ZNF407: variants seen among roughly 807,000 people sequenced by gnomAD.
The protein encoded by ZNF407 is zinc finger protein 407.
ZNF407 carries 17 observed loss-of-function variants against 131.2 expected under a neutral mutation model. That is an observed-to-expected ratio of 0.13 (90% CI 0.09 to 0.19). The LOEUF (loss-of-function observed/expected upper bound fraction) is 0.19, where lower values mean the gene tolerates loss of function less well. Among genes scored for constraint, ZNF407 ranks in the 10% least tolerant of loss-of-function variants. The probability of loss-of-function intolerance (pLI) is 1.00; values close to 1 mark genes in which losing one functional copy is unlikely to be tolerated. For synonymous variants in ZNF407, 1,156 were observed against 1,062.0 expected (o/e 1.09, Z -1.72); for missense variants, 2,681 against 2,830.6 (o/e 0.95, Z 1.20).
At chr18:74,852,059 C>T (rs562393240) in intron 4 of ZNF407, among the ~76,000 whole-genome samples, 1 of 152,068 alleles carries the variant, frequency 6.6e-6, no homozygotes, top group Non-Finnish European at 1.5e-5. Context: ...CACATTGTCA[C>T]GGGAGCATGG....
chr18:74,644,213 T>C lies in ZNF407; in HGVS notation c.4802+3091T>C, dbSNP rs576802948. Among the ~76,000 whole-genome samples, 21 of 150,836 alleles carry C rather than the reference T, an allele frequency of 1.4e-4. No individual in the cohort carries two copies. The East Asian group carries it at 1.9e-3, about 14-fold the overall frequency. On this transcript the variant is annotated intron_variant, in intron 3 of 8. Coordinates refer to ENST00000299687, the MANE Select transcript of ZNF407 (RefSeq NM_017757.3). ...TTTTTTTTTGAAAAGTTGAGTTTCT[T>C]ACTTGTTAAAAATATCCAAATGTGA...
chr18:74,686,883 T>A (rs904628398), intron 3 of ZNF407, among the ~76,000 whole-genome samples: 3 of 152,246 alleles, frequency 2.0e-5, no homozygotes, highest in African/African-American at 7.2e-5. Context: ...CTGTATTATG[T>A]GTGGTACATA....
intron 8 of ZNF407, among the ~76,000 whole-genome samples, chr18:74,960,796 TGA>T (rs1972333094): frequency 7.1e-6 from 1 of 139,996 alleles, no homozygotes. Flanking sequence ...AGGTCCTGAG[TGA>T]GTGCTTGGTG....
At chr18:74,739,925 T>C (rs987935739) in intron 3 of ZNF407, among the ~76,000 whole-genome samples, 1 of 152,188 alleles carries the variant, frequency 6.6e-6, no homozygotes, top group African/African-American at 2.4e-5. Flanking sequence ...GTCTTTTTTA[T>C]GATACCTTTA....
intron 8 of ZNF407, among the ~76,000 whole-genome samples, chr18:75,039,454 CTG>C (rs1973346935): frequency 6.6e-6 from 1 of 152,172 alleles, no homozygotes; most frequent in African/African-American, 2.4e-5. Flanking sequence ...GATAAAGAGA[CTG>C]AGGCTGCTGT....
intron 8 of ZNF407, among the ~76,000 whole-genome samples, chr18:74,964,302 C>T (rs924758215): frequency 9.2e-5 from 14 of 152,160 alleles, no homozygotes; most frequent in African/African-American, 2.7e-4. Flanking sequence ...GCACACTGTA[C>T]CCATATGCAC....
intron 3 of ZNF407, among the ~76,000 whole-genome samples, chr18:74,666,237 G>A (rs1427109937): frequency 6.6e-6 from 1 of 152,204 alleles, no homozygotes. Flanking sequence ...TTAGGTAGGA[G>A]CAGGACATTT....
chr18:74,695,808 G>A (rs569667817), intron 3 of ZNF407, among the ~76,000 whole-genome samples: 2 of 152,292 alleles, frequency 1.3e-5, no homozygotes, highest in South Asian at 2.1e-4. Flanking sequence ...TACCTAGTTT[G>A]TGAAACAGAG....
chr18:74,825,681 G>A (rs1970400870), intron 4 of ZNF407, among the ~76,000 whole-genome samples: 1 of 152,106 alleles, frequency 6.6e-6, no homozygotes, highest in Non-Finnish European at 1.5e-5. Flanking sequence ...TAGTTGTGTG[G>A]TCTTGGTTTT....
chr18:74,828,728 G>A (rs7506399), intron 4 of ZNF407, among the ~76,000 whole-genome samples: 11,922 of 152,076 alleles, frequency 0.078, 610 homozygotes, highest in South Asian at 0.17. Context: ...CAGTTTTCAT[G>A]TGTCTCGTTG....
rs770864901 is a variant in ZNF407 at position 74,633,085 on chromosome 18, C to T, written c.2066C>T (p.Ser689Phe). Reference protein sequence around the residue: ...GKASQEEPLKSRVSHGNEVRH... With the variant: ...GKASQEEPLKFRVSHGNEVRH... ...GCATCTCAGGAAGAACCTCTGAAGT[C>T]CAGGGTAAGCCATGGTAATGAAGTG... is the stretch of plus-strand genomic sequence containing the variant. Residue 689 changes from serine to phenylalanine, a missense_variant, in exon 2 of 9, where the codon TCC (serine) becomes TTC (phenylalanine). Physicochemically the swap from Ser to Phe is radical, Grantham distance 155. Transcript: ENST00000299687. The T allele has an allele frequency of 4.3e-6, 7 of 1,613,696 alleles. No individual in the cohort carries two copies.
chr18:74,759,879 A>G (rs770096219), intron 3 of ZNF407, among the ~76,000 whole-genome samples: 10 of 147,824 alleles, frequency 6.8e-5, no homozygotes, highest in Non-Finnish European at 1.5e-4. Context: ...CTGGGATTTC[A>G]TGGAAATGGT....
At chr18:74,879,356 G>A (rs1464012607) in intron 5 of ZNF407, among the ~76,000 whole-genome samples, 2 of 152,074 alleles carry the variant, frequency 1.3e-5, no homozygotes, top group South Asian at 2.1e-4. Context: ...CACCAGATGT[G>A]TGTGTGGTGC....
intron 4 of ZNF407, among the ~76,000 whole-genome samples, chr18:74,849,052 C>CTTTTTTTT (rs35529971): frequency 3.4e-4 from 42 of 122,896 alleles, no homozygotes; most frequent in Non-Finnish European, 4.8e-4. Context: ...ACTTTTGTTT[C>CTTTTTTTT]TTTTTTTTTT....
chr18:75,047,466 T>C (rs570855243), intron 8 of ZNF407, among the ~76,000 whole-genome samples: 147 of 152,366 alleles, frequency 9.6e-4, no homozygotes, highest in Non-Finnish European at 1.8e-3. Context: ...GCCAGCACCC[T>C]GGCCCAGCAT....
At position 75,019,569 on chromosome 18, in the gene ZNF407, C is replaced by T. The variant is rs146927288; in HGVS notation, c.5429-43581C>T. ...GCTCTCTTAGTCCCACTCTTTCCCA[C>T]TCAGGGTGCGAATCATCCCTTTGTC... On this transcript the variant is annotated intron_variant, in intron 8 of 8. Coordinates refer to ENST00000299687, the MANE Select transcript of ZNF407 (RefSeq NM_017757.3). Among the ~76,000 whole-genome samples, 25 of 152,304 alleles carry T rather than the reference C, an allele frequency of 1.6e-4. No homozygotes were observed. In the East Asian group the frequency reaches 4.4e-3, roughly 27 times the overall value.
chr18:74,642,232 A>C (rs925250083), intron 3 of ZNF407, among the ~76,000 whole-genome samples: 2 of 152,140 alleles, frequency 1.3e-5, no homozygotes, highest in Non-Finnish European at 2.9e-5. Flanking sequence ...TTGCAGCTAA[A>C]GTAGATGAAG....
intron 4 of ZNF407, among the ~76,000 whole-genome samples, chr18:74,831,848 C>T (rs1388335734): frequency 6.6e-6 from 1 of 152,104 alleles, no homozygotes; most frequent in Non-Finnish European, 1.5e-5. Context: ...TGTGGAGGGG[C>T]CTCCCTGTGC....
At position 74,756,751 on chromosome 18, in the gene ZNF407, T is replaced by C. The variant is rs1968973581; in HGVS notation, c.4803-24677T>C. ...TGAATATGTCTTTGTAGAAGGTTTT[T>C]TTGACTCTTCATTCAGTTGCTTTAC... On this transcript the variant is annotated intron_variant, in intron 3 of 8. Transcript: ENST00000299687. Among the ~76,000 whole-genome samples the C allele has an allele frequency of 2.6e-5, 4 of 152,284 alleles. No individual in the cohort carries two copies. In the South Asian group the frequency reaches 8.3e-4, roughly 32 times the overall value.
Sources: allele counts gnomAD v4.1 joint callset (sites outside exome capture counted in the v4.1 genomes callset), GRCh38; gene constraint gnomAD v4.1.1; transcripts MANE v1.5; gene names NCBI Gene and HGNC (gene_info 2026-07-23, HGNC 2026-07-21).